Variants in CHD1 observed in about 807,000 individuals in gnomAD.
The protein encoded by CHD1 is chromodomain helicase DNA binding protein 1, also known as ATP-dependent chromatin remodeler CHD1.
A neutral mutation model predicts 224.2 loss-of-function variants in CHD1; 36 were observed. The ratio of observed to expected loss-of-function variants is 0.16; its 90% CI spans 0.12 to 0.21. The LOEUF is 0.21. CHD1 is among the 10% of genes least tolerant of loss of function. The pLI, the probability that CHD1 is intolerant of heterozygous loss-of-function variation, is 1.00. For missense variants in CHD1, 1,378 were observed against 1,994.8 expected (o/e 0.69, Z 5.89); for synonymous variants, 668 against 658.3 (o/e 1.01, Z -0.23).
In CHD1 at chr5:98,853,995, A is replaced by T. The variant is rs536205992; in HGVS notation, c.*2385T>A. 1 of 152,158 alleles carries T rather than the reference A, an allele frequency of 6.6e-6. No homozygotes were observed. Among genetic ancestry groups the T allele is most frequent in the Admixed American group, 6.5e-5 (1 of 15,290 alleles). 9.4% of individuals were successfully genotyped at this position (152,158 alleles called of 1,614,324 possible). On this transcript the variant is annotated 3_prime_UTR_variant, in exon 36 of 36. Coordinates refer to ENST00000614616, the MANE Select transcript of CHD1 (RefSeq NM_001270.4). ...CAAACAGGCTATTGCTTTTAGTAAG[A>T]ATTATTTATTGTATAAAAGTGGAAG...
At position 98,902,884 on chromosome 5, in the gene CHD1, G is replaced by A; in HGVS notation, c.437+16C>T. ...TTTTTCTAAAATGAAGTAGTCAGTT[G>A]AACAAAATGACATACTCTTTATGCT... On this transcript the variant is annotated intron_variant, in intron 5 of 35. Transcript: ENST00000614616. 1 of 1,528,230 alleles carries A rather than the reference G, an allele frequency of 6.5e-7. No homozygotes were observed. The highest frequency in any genetic ancestry group is 9.0e-7 in the Non-Finnish European group (1 of 1,114,008). The allele number at this position is 1,528,230 out of a possible 1,614,324, so 94.7% of individuals were successfully genotyped here.
chr5:98,868,728 T>A, intron 30 of CHD1, 93 bp from the exon 31 acceptor site: 3 of 1,223,936 alleles, frequency 2.5e-6, no homozygotes, highest in Non-Finnish European at 3.3e-6. Flanking sequence ...ACTGTCTCAT[T>A]TTATTCTACA....
At chr5:98,865,845 AAT>A in intron 31 of CHD1, among the ~76,000 whole-genome samples, 1 of 152,334 alleles carries the variant, frequency 6.6e-6, no homozygotes, top group African/African-American at 2.4e-5. Flanking sequence ...TGATACACAC[AAT>A]ATCATTTAAG....
At chr5:98,898,584 T>C (rs1321488940) in intron 9 of CHD1, 80 bp downstream of exon 9, 9 of 1,219,680 alleles carry the variant, frequency 7.4e-6, no homozygotes, top group South Asian at 1.4e-5. Flanking sequence ...GTGTTTGATA[T>C]GTAAGTGGCA....
At position 98,855,093 on chromosome 5, in the gene CHD1, A is replaced by G. The variant is rs2112429771; in HGVS notation, c.*1287T>C. 6.6e-6 allele frequency: 1 copy of G among 152,410 alleles called. No homozygotes were observed. Among genetic ancestry groups the G allele is most frequent in the Non-Finnish European group, 1.5e-5 (1 of 68,108 alleles). 9.4% of individuals were successfully genotyped at this position (152,410 alleles called of 1,614,324 possible). ...CAAATATTCAACTGCTTACCAAAAT[A>G]CTTTTTCTGGCAGCAAAATGTTACT... On this transcript the variant is annotated 3_prime_UTR_variant, in exon 36 of 36. Coordinates refer to ENST00000614616, the MANE Select transcript of CHD1 (RefSeq NM_001270.4).
At chr5:98,860,557 C>A in intron 32 of CHD1, 1 of 184,386 alleles carries the variant, frequency 5.4e-6, no homozygotes, top group South Asian at 1.0e-4. Context: ...CACAACCAAA[C>A]ACCATAAATG....
chr5:98,901,041 T>C lies in CHD1; in HGVS notation c.629A>G (p.Lys210Arg), dbSNP rs753684905. 3 of 1,606,086 alleles carry C rather than the reference T, an allele frequency of 1.9e-6. No homozygotes were observed. Among genetic ancestry groups the C allele is most frequent in the Admixed American group, 3.4e-5 (2 of 58,190 alleles). ...KNGKKILGQK[K>R]RQIDSSEEDD... ...CTCCTCAGATGAATCAATCTGTCTC[T>C]TTTTTTGTCCAAGAATCTTCTTTCC... The change falls in exon 7 of 36, where the codon AAG becomes AGG. Residue 210 changes from lysine (K) to arginine (R), a missense_variant. This residue lies in a region of CHD1 where 306 missense variants were observed against 298.1 expected (regional missense o/e 1.03). Transcript: ENST00000614616.
At chr5:98,902,728 A>C (rs1032340671) in intron 5 of CHD1, among the ~76,000 whole-genome samples, 172 bp downstream of exon 5, 2 of 152,078 alleles carry the variant, frequency 1.3e-5, no homozygotes, top group African/African-American at 4.8e-5. Flanking sequence ...CAGAAAGATA[A>C]ATGTTAAAGA....
At chr5:98,893,748 T>C in intron 13 of CHD1, 142 bp from the exon 14 acceptor site, 1 of 593,662 alleles carries the variant, frequency 1.7e-6, no homozygotes, top group Non-Finnish European at 2.9e-6. Flanking sequence ...AATCGTAATC[T>C]CAAGATTACA....
intron 28 of CHD1, 28 bp from the exon 29 acceptor site, chr5:98,870,831 T>C (rs1291740244): frequency 7.1e-7 from 1 of 1,416,528 alleles, no homozygotes; most frequent in East Asian, 2.3e-5. Flanking sequence ...TTTTTCAGAT[T>C]GTCTTAATAA....
intron 10 of CHD1, 132 bp from the exon 11 acceptor site, chr5:98,897,452 C>CA: frequency 1.6e-6 from 1 of 616,438 alleles, no homozygotes; most frequent in Non-Finnish European, 2.7e-6. Context: ...TTCCATTACT[C>CA]AAAATGTACC....
intron 20 of CHD1, 148 bp downstream of exon 20, chr5:98,881,824 GTCT>G: frequency 1.7e-6 from 1 of 601,174 alleles, no homozygotes; most frequent in Non-Finnish European, 2.7e-6. Context: ...TTTGAAGTAT[GTCT>G]TCTAACTAGA....
intron 34 of CHD1, 143 bp from the exon 35 acceptor site, chr5:98,858,533 T>C: frequency 1.5e-6 from 1 of 649,458 alleles, no homozygotes; most frequent in Non-Finnish European, 2.7e-6. Context: ...CATTTAGAAA[T>C]GGTGTATAAA....
intron 2 of CHD1, among the ~76,000 whole-genome samples, chr5:98,922,167 CCA>C (rs199655123): frequency 2.6e-3 from 393 of 151,982 alleles, no homozygotes; most frequent in African/African-American, 9.2e-3. Context: ...AAAAAACAAA[CCA>C]CACACACACT....
intron 2 of CHD1, among the ~76,000 whole-genome samples, chr5:98,914,202 C>G (rs983066310): frequency 2.0e-5 from 3 of 152,148 alleles, no homozygotes; most frequent in Admixed American, 6.5e-5. Context: ...AAATCCTCCC[C>G]CTTTGCATCT....
intron 29 of CHD1, 63 bp downstream of exon 29, chr5:98,870,624 A>T: frequency 1.2e-6 from 1 of 847,992 alleles, no homozygotes. Flanking sequence ...TAGCATGGTG[A>T]AGTAAACAAA....
intron 26 of CHD1, among the ~76,000 whole-genome samples, chr5:98,873,389 A>G (rs925275698): frequency 6.6e-6 from 1 of 152,178 alleles, no homozygotes; most frequent in Non-Finnish European, 1.5e-5. Context: ...AGAAAATGTC[A>G]GGGGAATTAA....
intron 2 of CHD1, among the ~76,000 whole-genome samples, chr5:98,912,695 A>AAATAC (rs1752501583): frequency 6.6e-6 from 1 of 152,110 alleles, no homozygotes; most frequent in Non-Finnish European, 1.5e-5. Context: ...AAATAAAATA[A>AAATAC]AGAAAGCAAA....
rs542984228 is a variant in CHD1, at chr5:98,877,298, A to C, written c.3238-740T>G. Among the ~76,000 whole-genome samples the C allele has an allele frequency of 1.3e-5, 2 of 152,388 alleles. 1 individual carries two copies. The highest frequency in any genetic ancestry group is 2.9e-5 in the Non-Finnish European group (2 of 68,034). ...ATTAACATTCATGACATACTGTCAA[A>C]AAGAAGAAAAAGTTCCAAATTAATA... On this transcript the variant is annotated intron_variant, in intron 23 of 35. Coordinates refer to ENST00000614616, the MANE Select transcript of CHD1 (RefSeq NM_001270.4).
Sources: allele counts gnomAD v4.1 joint callset (sites outside exome capture counted in the v4.1 genomes callset), GRCh38; gene constraint gnomAD v4.1.1; regional missense constraint gnomAD v4.1.1; transcripts MANE v1.5; gene names NCBI Gene and HGNC (gene_info 2026-07-23, HGNC 2026-07-21).